The following NDE1 variants were observed in gnomAD, a reference collection of about 807,000 sequenced individuals.
NDE1 encodes the protein nudE neurodevelopment protein 1.
A neutral mutation model predicts 43.4 loss-of-function variants in NDE1; 28 were observed. The observed-to-expected ratio is 0.65, with a 90% confidence interval of 0.48 to 0.89. The LOEUF is 0.89. Among genes scored for constraint, NDE1 ranks in the 40% least tolerant of loss-of-function variants. NDE1 has a pLI of 0.00. For missense variants in NDE1, 441 were observed against 434.1 expected (o/e 1.02, Z -0.14); for synonymous variants, 184 against 172.0 (o/e 1.07, Z -0.55).
At chr16:15,685,444 T>TCTCTCTATATTA (rs2038390885) in intron 4 of NDE1, among the ~76,000 whole-genome samples, 1 of 151,860 alleles carries the variant, frequency 6.6e-6, no homozygotes, top group Non-Finnish European at 1.5e-5. Flanking sequence ...AGAGACAGGG[T>TCTCTCTATATTA]CTCTCTATAT....
chr16:15,697,005 A>C (rs2039048765), intron 8 of NDE1, 145 bp downstream of exon 8: 3 of 1,533,986 alleles, frequency 2.0e-6, no homozygotes, highest in Non-Finnish European at 1.7e-6. Flanking sequence ...TGCTCCCTGC[A>C]GGCAGCATTA....
intron 8 of NDE1, chr16:15,700,187 C>T (rs1052443573): frequency 4.6e-6 from 4 of 869,490 alleles, no homozygotes; most frequent in Non-Finnish European, 5.6e-6. Flanking sequence ...ACCTCCGCCT[C>T]CTGGGTTCAA....
intron 8 of NDE1, chr16:15,718,660 C>T: frequency 3.2e-6 from 2 of 622,806 alleles, no homozygotes; most frequent in Admixed American, 3.0e-5. Flanking sequence ...GGATGGGGAC[C>T]AGCACACTCC....
chr16:15,694,169 G>A lies in NDE1; in HGVS notation c.708G>A (p.Leu236=), dbSNP rs760792353. Residue 236 remains leucine (L), a synonymous_variant, in exon 7 of 9, where the codon CTG becomes CTA. Transcript: ENST00000396354. The part of the protein sequence containing the change: ...LNTPGSFRRG[L]DDSTGGTPLT... ...CTCTTCCCTTTGCACACCCAGGCCT[G>A]GACGACTCCACCGGGGGGACCCCCC... The A allele has an allele frequency of 3.1e-6, 5 of 1,612,464 alleles. No homozygotes were observed. The East Asian group carries it at 6.7e-5, about 22-fold the overall frequency.
intron 1 of NDE1, among the ~76,000 whole-genome samples, chr16:15,663,867 GACCAGCCTGGCCAACA>G (rs757271251): frequency 1.3e-5 from 2 of 151,874 alleles, no homozygotes; most frequent in Admixed American, 1.3e-4. Flanking sequence ...AGGAGTTTGA[GACCAGCCTGGCCAACA>G]TGGTGAAACC....
upstream of NDE1, among the ~76,000 whole-genome samples, chr16:15,645,481 A>T (rs2036313902): frequency 6.6e-6 from 1 of 152,220 alleles, no homozygotes; most frequent in African/African-American, 2.4e-5. Context: ...AAAAATTTTT[A>T]AAAACAAAAC....
At position 15,721,080 on chromosome 16, in the gene NDE1, A is replaced by T. The variant is rs113126316; in HGVS notation, c.948-3111A>T. 1.2e-5 allele frequency: 19 copies of T among 1,610,310 alleles called. No individual in the cohort carries two copies. The Middle Eastern group carries it at 1.3e-3, about 112-fold the overall frequency. ...CCGGCAGAGCGGGCAGCCCCATTCT[A>T]TGAGGCTCAACTTCATGAAGACGAT... On this transcript the variant is annotated intron_variant, in intron 8 of 8. Coordinates refer to ENST00000396354, the MANE Select transcript of NDE1 (RefSeq NM_017668.3).
chr16:15,724,854 C>G lies in NDE1; in HGVS notation c.*603C>G. The G allele has an allele frequency of 6.2e-7, 1 of 1,613,824 alleles. No individual in the cohort carries two copies. Among genetic ancestry groups the G allele is most frequent in the Non-Finnish European group, 8.5e-7 (1 of 1,179,956 alleles). On this transcript the variant is annotated 3_prime_UTR_variant, in exon 9 of 9. Coordinates refer to ENST00000396354, the MANE Select transcript of NDE1 (RefSeq NM_017668.3). ...GACCTGCCCCGAGGAAGGCCACCCC[C>G]CAGGTCCCCTGGATGATGTGGCAGG...
At chr16:15,720,786 G>T in intron 8 of NDE1, 5 of 1,561,266 alleles carry the variant, frequency 3.2e-6, no homozygotes, top group Middle Eastern at 2.2e-4. Flanking sequence ...GTGGTGATAG[G>T]AATGAAAAAG....
chr16:15,667,206 A>G (rs1479907255), intron 2 of NDE1, 80 bp from the exon 3 acceptor site: 1 of 1,494,106 alleles, frequency 6.7e-7, no homozygotes, highest in Non-Finnish European at 9.3e-7. Context: ...AGATTGCAGC[A>G]CTGCATTGCA....
intron 5 of NDE1, among the ~76,000 whole-genome samples, chr16:15,690,863 G>A (rs984495797): frequency 3.3e-5 from 5 of 152,026 alleles, no homozygotes; most frequent in East Asian, 1.9e-4. Context: ...ACTGGAGTGC[G>A]CTGGAGCAAT....
rs1400275709 is a variant in NDE1 at position 15,694,266 on chromosome 16, C to G, written c.795+10C>G. On this transcript the variant is annotated intron_variant, in intron 7 of 8. Coordinates refer to ENST00000396354, the MANE Select transcript of NDE1 (RefSeq NM_017668.3). The stretch of plus-strand genomic sequence containing the variant: ...ACTGCGGAAAGTCGGGGTAAGACCA[C>G]ACTTTCCTGGCGTTTGGTGCCTTCC... 6.2e-7 allele frequency: 1 copy of G among 1,612,506 alleles called. No homozygotes were observed. Among genetic ancestry groups the G allele is most frequent in the African/African-American group, 1.3e-5 (1 of 74,978 alleles).
intron 1 of NDE1, among the ~76,000 whole-genome samples, chr16:15,659,994 G>A (rs1041255082): frequency 2.0e-5 from 3 of 151,886 alleles, no homozygotes; most frequent in Non-Finnish European, 4.4e-5. Flanking sequence ...TGATCTGCCC[G>A]CCTCGGCCTC....
chr16:15,684,002 G>A (rs531336238), intron 4 of NDE1, among the ~76,000 whole-genome samples: 1 of 151,854 alleles, frequency 6.6e-6, no homozygotes, highest in African/African-American at 2.4e-5. Context: ...AGGCTGAGGT[G>A]GGCGGATCAC....
chr16:15,671,476 C>G (rs1367750707), intron 3 of NDE1, among the ~76,000 whole-genome samples: 1 of 152,162 alleles, frequency 6.6e-6, no homozygotes, highest in Non-Finnish European at 1.5e-5. Context: ...TACCATTGCA[C>G]TCCATCCTGG....
At chr16:15,695,621 T>C (rs1344197135) in intron 7 of NDE1, 2 of 985,230 alleles carry the variant, frequency 2.0e-6, no homozygotes, top group African/African-American at 1.7e-5. Flanking sequence ...TTGTAGTTTA[T>C]TTTTAAAAAT....
chr16:15,718,957 A>G (rs2040319014), intron 8 of NDE1: 1 of 479,912 alleles, frequency 2.1e-6, no homozygotes, highest in Non-Finnish European at 3.8e-6. Flanking sequence ...GTGAAACCCC[A>G]CCTCTACTAA....
At chr16:15,654,175 G>A (rs193047683) in intron 1 of NDE1, among the ~76,000 whole-genome samples, 3 of 152,282 alleles carry the variant, frequency 2.0e-5, no homozygotes, top group South Asian at 4.1e-4. Context: ...GTGTGGTGGC[G>A]TATTAAGAAC....
intron 6 of NDE1, among the ~76,000 whole-genome samples, chr16:15,693,463 G>C (rs2038853297): frequency 6.6e-6 from 1 of 152,118 alleles, no homozygotes; most frequent in African/African-American, 2.4e-5. Context: ...TAACTATATG[G>C]ATTTTCTACA....
Sources: gnomAD v4.1 joint callset for allele counts (sites outside exome capture counted in the v4.1 genomes callset) on GRCh38, gnomAD v4.1.1 for gene constraint, MANE v1.5 for transcripts, NCBI Gene and HGNC (gene_info 2026-07-23, HGNC 2026-07-21) for gene names.